Variants in KALRN observed in about 807,000 individuals in gnomAD.
KALRN encodes the protein kalirin RhoGEF kinase, also known as kalirin.
In KALRN, 70 loss-of-function variants were observed where a neutral mutation model predicts 353.7. The ratio of observed to expected loss-of-function variants is 0.20; its 90% CI spans 0.16 to 0.24. The LOEUF is 0.24. Among genes scored for constraint, KALRN ranks in the 10% least tolerant of loss-of-function variants. The probability of loss-of-function intolerance (pLI) is 1.00; values close to 1 mark genes in which losing one functional copy is unlikely to be tolerated. For missense variants in KALRN, 2,791 were observed against 3,756.7 expected (o/e 0.74, Z 6.72); for synonymous variants, 1,391 against 1,434.8 (o/e 0.97, Z 0.69).
chr3:124,353,967 C>T (rs1177860845), intron 10 of KALRN, among the ~76,000 whole-genome samples: 1 of 152,078 alleles, frequency 6.6e-6, no homozygotes, highest in African/African-American at 2.4e-5. Flanking sequence ...GATGGGAGAC[C>T]ATCTGGTGAT....
In KALRN at chr3:124,725,619, G is replaced by A. The variant is rs1005497652; in HGVS notation, c.*6149G>A. ...TTCAAAACCATTAGGGCTAATTTGT[G>A]GAGACGAATTCTACTCATTCTGGAA... is the stretch of plus-strand genomic sequence containing the variant. On this transcript the variant is annotated 3_prime_UTR_variant, in exon 60 of 60. Coordinates refer to ENST00000682506, the MANE Select transcript of KALRN (RefSeq NM_001388419.1). 5 of 152,286 alleles carry A rather than the reference G, an allele frequency of 3.3e-5. No homozygotes were observed. The South Asian group carries it at 8.3e-4, about 25-fold the overall frequency. The allele number at this position is 152,286 out of a possible 1,614,324, so 9.4% of individuals were successfully genotyped here. A position where few individuals can be genotyped will look rare whatever the true frequency, so the allele number is the denominator to read the frequency against.
At chr3:124,516,479 A>T (rs2066567976) in intron 33 of KALRN, among the ~76,000 whole-genome samples, 1 of 152,200 alleles carries the variant, frequency 6.6e-6, no homozygotes. Context: ...CACTCAATAA[A>T]TGTTAGCTAT....
intron 33 of KALRN, among the ~76,000 whole-genome samples, chr3:124,557,868 T>C (rs1476995750): frequency 2.0e-5 from 3 of 152,130 alleles, no homozygotes; most frequent in Non-Finnish European, 4.4e-5. Context: ...GAAGGCTCAG[T>C]TGGCAAGTAT....
chr3:124,162,399 C>G (rs1450342967), intron 1 of KALRN: 1 of 152,180 alleles, frequency 6.6e-6, no homozygotes, highest in Middle Eastern at 3.2e-3. Flanking sequence ...CTTTTGGCCC[C>G]TCAACTTGAG....
At chr3:124,633,634 GGGGTGT>G (rs1247625759) in intron 35 of KALRN, among the ~76,000 whole-genome samples, 2 of 108,736 alleles carry the variant, frequency 1.8e-5, no homozygotes, top group Non-Finnish European at 3.6e-5. Flanking sequence ...CTTCTTTTTG[GGGGTGT>G]GTGTGTGTGT....
At chr3:124,686,013 C>G (rs944971981) in intron 51 of KALRN, among the ~76,000 whole-genome samples, 2 of 151,984 alleles carry the variant, frequency 1.3e-5, no homozygotes, top group African/African-American at 2.4e-5. Context: ...TTGATTAACA[C>G]AAGGCATTGC....
At chr3:124,152,777 T>G in intron 1 of KALRN, 1 of 322,270 alleles carries the variant, frequency 3.1e-6, no homozygotes, top group Non-Finnish European at 5.6e-6. Context: ...TAGTTTTTGT[T>G]TGTTTGTTTG....
At chr3:124,438,863 A>AGTCTTTACTG (rs749674815) in intron 17 of KALRN, 25 bp from the exon 18 acceptor site, 1 of 1,592,572 alleles carries the variant, frequency 6.3e-7, no homozygotes, top group South Asian at 1.1e-5. Context: ...TAATTTACTG[A>AGTCTTTACTG]GTCTTTTCTT....
intron 2 of KALRN, among the ~76,000 whole-genome samples, chr3:124,234,161 C>T (rs1351146765): frequency 3.3e-5 from 5 of 152,184 alleles, no homozygotes; most frequent in African/African-American, 1.2e-4. Flanking sequence ...TGTATGTATG[C>T]ATTTGCAGTG....
At chr3:124,534,398 A>T (rs1235784899) in intron 33 of KALRN, among the ~76,000 whole-genome samples, 2 of 152,142 alleles carry the variant, frequency 1.3e-5, no homozygotes, top group Non-Finnish European at 2.9e-5. Flanking sequence ...GGGGAGGGAG[A>T]GCATTAGGAC....
At chr3:124,708,040 T>C (rs2062722181) in intron 57 of KALRN, among the ~76,000 whole-genome samples, 4 of 152,308 alleles carry the variant, frequency 2.6e-5, no homozygotes, top group East Asian at 1.9e-4. Context: ...CCTAAAAGCA[T>C]AGTAAACACT....
intron 9 of KALRN, among the ~76,000 whole-genome samples, chr3:124,344,103 T>A (rs534648318): frequency 1.3e-5 from 2 of 152,344 alleles, no homozygotes; most frequent in South Asian, 2.1e-4. Flanking sequence ...ATTTTAAATA[T>A]GCCTTGTAGA....
intron 1 of KALRN, among the ~76,000 whole-genome samples, chr3:124,141,677 G>C (rs533458707): frequency 6.6e-6 from 1 of 152,140 alleles, no homozygotes; most frequent in African/African-American, 2.4e-5. Context: ...CACAATGAAG[G>C]GTGTTGGTTA....
At chr3:124,467,417 G>A (rs1561037802) in intron 25 of KALRN, among the ~76,000 whole-genome samples, 1 of 152,206 alleles carries the variant, frequency 6.6e-6, no homozygotes, top group Non-Finnish European at 1.5e-5. Flanking sequence ...TGCAATAAGG[G>A]TGGAGGTGGG....
chr3:124,078,573 C>T (rs907412089), intron 1 of KALRN, among the ~76,000 whole-genome samples: 8 of 151,842 alleles, frequency 5.3e-5, no homozygotes, highest in African/African-American at 1.9e-4. Context: ...AGGGCTGTGA[C>T]GGGAGACACT....
intron 33 of KALRN, among the ~76,000 whole-genome samples, chr3:124,528,105 T>A (rs1369321349): frequency 1.3e-5 from 2 of 152,174 alleles, no homozygotes; most frequent in African/African-American, 4.8e-5. Context: ...TCCTCCTGAT[T>A]CCCAGCAGAC....
At chr3:124,147,949 C>T (rs1351366179) in intron 1 of KALRN, among the ~76,000 whole-genome samples, 3 of 152,202 alleles carry the variant, frequency 2.0e-5, no homozygotes, top group Non-Finnish European at 4.4e-5. Context: ...CCTGTGTACA[C>T]ACATAATGGG....
intron 1 of KALRN, among the ~76,000 whole-genome samples, chr3:124,113,159 G>A (rs1360266418): frequency 6.6e-6 from 1 of 152,170 alleles, no homozygotes; most frequent in Non-Finnish European, 1.5e-5. Context: ...TTAGCTCATA[G>A]CTCTACCACT....
At chr3:124,193,394 C>G (rs1464146620) in intron 1 of KALRN, among the ~76,000 whole-genome samples, 1 of 151,294 alleles carries the variant, frequency 6.6e-6, no homozygotes, top group South Asian at 2.1e-4. Flanking sequence ...CATTCTTACT[C>G]TCTTTTTAGC....
Sources: gnomAD v4.1 joint callset for allele counts (sites outside exome capture counted in the v4.1 genomes callset) on GRCh38, gnomAD v4.1.1 for gene constraint, MANE v1.5 for transcripts, NCBI Gene and HGNC (gene_info 2026-07-23, HGNC 2026-07-21) for gene names.